The following TENM3 variants were observed in gnomAD, a reference collection of about 807,000 sequenced individuals.
TENM3 encodes the protein teneurin transmembrane protein 3.
A neutral mutation model predicts 255.1 loss-of-function variants in TENM3; 63 were observed. The observed-to-expected ratio is 0.25, with a 90% CI of 0.20 to 0.30. The LOEUF is 0.30. Ranked by LOEUF, TENM3 falls within the 10% of genes least tolerant of loss-of-function variation. TENM3 has a pLI of 1.00. For synonymous variants in TENM3, 1,306 were observed against 1,322.3 expected (o/e 0.99, Z 0.27); for missense variants, 2,929 against 3,461.1 (o/e 0.85, Z 3.86).
the TENM3 span, among the ~76,000 whole-genome samples, chr4:181,861,456 C>T: frequency 1.3e-5 from 2 of 152,130 alleles, no homozygotes; most frequent in East Asian, 3.9e-4. Flanking sequence ...ATAAGGATCT[C>T]AAGATGCACC....
At chr4:182,560,402 A>G (rs1743038473) in intron 3 of TENM3, among the ~76,000 whole-genome samples, 1 of 152,116 alleles carries the variant, frequency 6.6e-6, no homozygotes, top group Non-Finnish European at 1.5e-5. Flanking sequence ...CAATATTTCA[A>G]AACTTTCGTT....
intron 1 of TENM3, among the ~76,000 whole-genome samples, chr4:182,228,005 C>A (rs1756290333): frequency 6.6e-6 from 1 of 152,100 alleles, no homozygotes; most frequent in African/African-American, 2.4e-5. Flanking sequence ...TGACCTCCCT[C>A]ATATTTGGAG....
At chr4:181,563,803 T>C in the TENM3 span, among the ~76,000 whole-genome samples, 1 of 152,170 alleles carries the variant, frequency 6.6e-6, no homozygotes, top group African/African-American at 2.4e-5. Flanking sequence ...GTGAGATATG[T>C]GTAGCATGCT....
chr4:181,895,246 A>G, the TENM3 span, among the ~76,000 whole-genome samples: 1 of 151,912 alleles, frequency 6.6e-6, no homozygotes, highest in Non-Finnish European at 1.5e-5. Flanking sequence ...TCTGTTGACT[A>G]TTTTTTATCT....
chr4:182,156,759 T>G (rs1750733882), intron 1 of TENM3, among the ~76,000 whole-genome samples: 1 of 152,158 alleles, frequency 6.6e-6, no homozygotes, highest in Non-Finnish European at 1.5e-5. Context: ...TATCTTCATT[T>G]ATAGTGTGTG....
intron 3 of TENM3, among the ~76,000 whole-genome samples, chr4:182,595,750 T>G (rs1485897005): frequency 6.6e-6 from 1 of 152,000 alleles, no homozygotes; most frequent in Non-Finnish European, 1.5e-5. Context: ...AGAGGAATAT[T>G]TTGAAAAAAT....
At chr4:181,882,180 G>A in the TENM3 span, among the ~76,000 whole-genome samples, 11 of 152,162 alleles carry the variant, frequency 7.2e-5, no homozygotes, top group African/African-American at 2.7e-4. Context: ...ACTTCATTAT[G>A]AGGAAAACCC....
chr4:181,753,914 C>G, the TENM3 span, among the ~76,000 whole-genome samples: 1 of 152,088 alleles, frequency 6.6e-6, no homozygotes, highest in East Asian at 1.9e-4. Flanking sequence ...GATTCCTCAG[C>G]CGGCAGGCAA....
the TENM3 span, among the ~76,000 whole-genome samples, chr4:181,728,758 A>G: frequency 6.6e-6 from 1 of 152,078 alleles, no homozygotes; most frequent in Non-Finnish European, 1.5e-5. Context: ...TGTGACTAAG[A>G]ATGCCTAACC....
chr4:181,910,013 T>C, the TENM3 span, among the ~76,000 whole-genome samples: 1 of 152,240 alleles, frequency 6.6e-6, no homozygotes, highest in African/African-American at 2.4e-5. Context: ...CTCATTGTTA[T>C]ACTATTCATG....
intron 3 of TENM3, among the ~76,000 whole-genome samples, chr4:182,599,399 G>T (rs1201896997): frequency 1.3e-5 from 2 of 152,106 alleles, no homozygotes; most frequent in Non-Finnish European, 1.5e-5. Flanking sequence ...AGAAGACAGA[G>T]TTTCTATTTT....
At position 182,801,100 on chromosome 4, in the gene TENM3, A is replaced by ATACT. The variant is rs929925310; in HGVS notation, c.*752_*755dup. On this transcript the variant is annotated 3_prime_UTR_variant, in exon 28 of 28. Coordinates refer to ENST00000511685, the MANE Select transcript of TENM3 (RefSeq NM_001080477.4). ...ATTTATGTAAAGTGTTTAAAAATTT[A>ATACT]TACTTAAAAATAAAATGATAAAAAC... The ATACT allele has an allele frequency of 2.0e-5, 3 of 152,672 alleles. No individual in the cohort carries two copies. Among genetic ancestry groups the ATACT allele is most frequent in the African/African-American group, 7.2e-5 (3 of 41,460 alleles). 9.5% of individuals were successfully genotyped at this position (152,672 alleles called of 1,614,324 possible). A position where few individuals can be genotyped will look rare whatever the true frequency, so the allele number is the denominator to read the frequency against.
the TENM3 span, among the ~76,000 whole-genome samples, chr4:181,647,068 TA>T: frequency 6.6e-6 from 1 of 151,906 alleles, no homozygotes; most frequent in Non-Finnish European, 1.5e-5. Context: ...TAATGATGAC[TA>T]AGAAGACATA....
the TENM3 span, among the ~76,000 whole-genome samples, chr4:182,053,590 A>C: frequency 1.3e-5 from 2 of 152,204 alleles, no homozygotes; most frequent in East Asian, 3.9e-4. Context: ...GTAGGAGGAG[A>C]GGTACTGTGC....
chr4:182,346,747 A>G lies in TENM3; in HGVS notation c.329A>G (p.Tyr110Cys). The G allele has an allele frequency of 1.9e-6, 3 of 1,613,570 alleles. No individual in the cohort carries two copies. Among genetic ancestry groups the G allele is most frequent in the Non-Finnish European group, 2.5e-6 (3 of 1,179,740 alleles). ...GAAATGGGGCTCCCTCACAGAGGTT[A>G]CTCTATCAGTGCAGGGTCAGATGCT... ...CAEMGLPHRG[Y>C]SISAGSDADT... The change falls in exon 3 of 28, where the codon TAC (tyrosine) becomes TGC (cysteine). Residue 110 changes from tyrosine (Y) to cysteine (C), a missense_variant. Physicochemically the swap from Tyr to Cys is radical, Grantham distance 194. Transcript: ENST00000511685.
At chr4:182,176,764 C>T (rs958717009) in intron 1 of TENM3, among the ~76,000 whole-genome samples, 16 of 150,270 alleles carry the variant, frequency 1.1e-4, no homozygotes, top group Non-Finnish European at 2.1e-4. Flanking sequence ...TAGGTTCAAG[C>T]GATTCTCCAG....
At chr4:181,665,768 T>C in the TENM3 span, among the ~76,000 whole-genome samples, 1 of 152,210 alleles carries the variant, frequency 6.6e-6, no homozygotes, top group Non-Finnish European at 1.5e-5. Context: ...TAACCATTCT[T>C]CTTTATTTTT....
intron 3 of TENM3, among the ~76,000 whole-genome samples, chr4:182,526,774 G>C (rs962109960): frequency 6.6e-6 from 1 of 152,162 alleles, no homozygotes; most frequent in Non-Finnish European, 1.5e-5. Context: ...GATTTAGCAT[G>C]GTAGTACATC....
At chr4:182,598,215 G>A (rs553542723) in intron 3 of TENM3, among the ~76,000 whole-genome samples, 38 of 152,098 alleles carry the variant, frequency 2.5e-4, no homozygotes, top group Admixed American at 5.2e-4. Context: ...TTAAATTTCC[G>A]GCCATCCACC....
Sources: allele counts gnomAD v4.1 joint callset (sites outside exome capture counted in the v4.1 genomes callset), GRCh38; gene constraint gnomAD v4.1.1; transcripts MANE v1.5; gene names NCBI Gene and HGNC (gene_info 2026-07-23, HGNC 2026-07-21).